Variants in ADARB2 observed in about 807,000 individuals in gnomAD.
The protein encoded by ADARB2 is inactive double-stranded RNA-specific editase B2.
In ADARB2, 25 loss-of-function variants were observed where a neutral mutation model predicts 62.2. That is an observed-to-expected ratio of 0.40 (90% CI 0.29 to 0.56). ADARB2 has a LOEUF of 0.56. Among genes scored for constraint, ADARB2 ranks in the 20% least tolerant of loss-of-function variants. The pLI is 0.43. For synonymous variants in ADARB2, 572 were observed against 500.8 expected, an observed-to-expected ratio of 1.14 and a Z score of -1.90; for missense variants, 1,071 against 1,077.4, an observed-to-expected ratio of 0.99 and a Z score of 0.08.
intron 1 of ADARB2, among the ~76,000 whole-genome samples, chr10:1,571,123 G>T (rs1038756374): frequency 6.6e-6 from 1 of 152,116 alleles, no homozygotes; most frequent in African/African-American, 2.4e-5. Flanking sequence ...AATGCACTCA[G>T]AATTAAGGTG....
chr10:1,484,961 G>A (rs567344839), intron 1 of ADARB2, among the ~76,000 whole-genome samples: 2 of 152,122 alleles, frequency 1.3e-5, no homozygotes, highest in South Asian at 2.1e-4. Flanking sequence ...TACAGATGTA[G>A]GTATGCATGT....
Position 1,725,220 on chromosome 10 carries a change from T to C in ADARB2, c.100+11831A>G, listed in dbSNP as rs571423415. Among the ~76,000 whole-genome samples the C allele has an allele frequency of 9.2e-5, 14 of 152,258 alleles. No homozygotes were observed. The East Asian group carries it at 2.7e-3, about 29-fold the overall frequency. On this transcript the variant is annotated intron_variant, in intron 1 of 9. Coordinates refer to ENST00000381312, the MANE Select transcript of ADARB2 (RefSeq NM_018702.4). Reference sequence around the variant, plus strand: ...AGATACATCCAATCTCATGAATTTTTAGTGAATATATTTTGCCTGGAATGT... The same window carrying C: ...AGATACATCCAATCTCATGAATTTTCAGTGAATATATTTTGCCTGGAATGT...
At chr10:1,694,983 G>A (rs1028599460) in intron 1 of ADARB2, among the ~76,000 whole-genome samples, 2 of 152,214 alleles carry the variant, frequency 1.3e-5, no homozygotes, top group African/African-American at 2.4e-5. Context: ...GGGAGACCTT[G>A]CGACTCGCCA....
intron 3 of ADARB2, among the ~76,000 whole-genome samples, chr10:1,347,591 C>G (rs892570511): frequency 2.6e-5 from 4 of 152,190 alleles, no homozygotes; most frequent in African/African-American, 9.6e-5. Context: ...GAAGAGCACA[C>G]AGATCAGGAG....
At chr10:1,622,451 T>C (rs1833715160) in intron 1 of ADARB2, among the ~76,000 whole-genome samples, 1 of 152,150 alleles carries the variant, frequency 6.6e-6, no homozygotes, top group Non-Finnish European at 1.5e-5. Flanking sequence ...TAAAGAACTT[T>C]TATCTAGAAT....
At chr10:1,630,829 TC>T (rs1375602410) in intron 1 of ADARB2, among the ~76,000 whole-genome samples, 1 of 151,668 alleles carries the variant, frequency 6.6e-6, no homozygotes, top group African/African-American at 2.4e-5. Context: ...GTGGTGGGCG[TC>T]TGTAGTCCCA....
At chr10:1,668,674 GTGCACTGTTC>G (rs1208812778) in intron 1 of ADARB2, among the ~76,000 whole-genome samples, 1 of 152,180 alleles carries the variant, frequency 6.6e-6, no homozygotes, top group Non-Finnish European at 1.5e-5. Flanking sequence ...GAGGCCCCGT[GTGCACTGTTC>G]TGCGGCACTT....
At chr10:1,344,879 GC>G (rs886767313) in intron 3 of ADARB2, among the ~76,000 whole-genome samples, 5 of 152,218 alleles carry the variant, frequency 3.3e-5, no homozygotes, top group African/African-American at 1.2e-4. Context: ...ACACCCGTGT[GC>G]CCGCTGTTTC....
At chr10:1,241,281 G>A (rs577688265) in intron 5 of ADARB2, among the ~76,000 whole-genome samples, 2 of 152,300 alleles carry the variant, frequency 1.3e-5, no homozygotes, top group South Asian at 2.1e-4. Context: ...TGAGCTGAGT[G>A]TGTTAAGGTG....
chr10:1,484,401 C>G (rs1831516993), intron 1 of ADARB2, among the ~76,000 whole-genome samples: 1 of 152,214 alleles, frequency 6.6e-6, no homozygotes, highest in Admixed American at 6.5e-5. Flanking sequence ...TGTGCCGCTG[C>G]CACCCCAGGC....
chr10:1,236,272 T>C lies in ADARB2; in HGVS notation c.1362-2427A>G, dbSNP rs1213738394. Among the ~76,000 whole-genome samples, 82 of 14,766 alleles carry C rather than the reference T, an allele frequency of 5.6e-3. 7 individuals carry two copies. Among genetic ancestry groups the C allele is most frequent in the Non-Finnish European group, 7.0e-3 (60 of 8,576 alleles). 9.7% of individuals were successfully genotyped at this position (14,766 alleles called of 152,430 possible). ...TTACTCCCCTCTCCCTCCCGGTGTT[T>C]ACTCCCCTCTGCCTCCCGGTGTTTA... On this transcript the variant is annotated intron_variant, in intron 5 of 9. Transcript: ENST00000381312.
At chr10:1,618,822 T>C (rs1833674484) in intron 1 of ADARB2, among the ~76,000 whole-genome samples, 1 of 152,188 alleles carries the variant, frequency 6.6e-6, no homozygotes, top group South Asian at 2.1e-4. Flanking sequence ...AACAAAAACA[T>C]TAAAGCCACT....
Position 1,704,158 on chromosome 10 carries a change from G to C in ADARB2, c.100+32893C>G, listed in dbSNP as rs1564199744. ...CCCAACCTTTCTGGCACCAGGGATGGCTGGTTTTGTGGAAGACAATTTTTC... is the reference window on the plus strand; with the variant it reads ...CCCAACCTTTCTGGCACCAGGGATGCCTGGTTTTGTGGAAGACAATTTTTC... On this transcript the variant is annotated intron_variant, in intron 1 of 9. Coordinates refer to ENST00000381312, the MANE Select transcript of ADARB2 (RefSeq NM_018702.4). This position sits in a 1 kb window ranked among gnomAD's most constrained non-coding sequence, Gnocchi z 5.6. 6.6e-6 allele frequency among the ~76,000 whole-genome samples: 1 copy of C among 152,218 alleles called. No homozygotes were observed. The highest frequency in any genetic ancestry group is 1.5e-5 in the Non-Finnish European group (1 of 68,038).
chr10:1,179,539 G>A lies in ADARB2; in HGVS notation c.*3654C>T, dbSNP rs1392032333. 1 of 152,228 alleles carries A rather than the reference G, an allele frequency of 6.6e-6. No homozygotes were observed. The highest frequency in any genetic ancestry group is 2.4e-5 in the African/African-American group (1 of 41,458). 9.4% of individuals were successfully genotyped at this position (152,228 alleles called of 1,614,324 possible). ...ACAGCGGAGGCTGCCTGGCCGCGCA[G>A]CCGTTCCCTGCGCCCCGTCCTGCAA... On this transcript the variant is annotated 3_prime_UTR_variant, in exon 10 of 10. Coordinates refer to ENST00000381312, the MANE Select transcript of ADARB2 (RefSeq NM_018702.4).
chr10:1,658,146 G>A (rs775253887), intron 1 of ADARB2, among the ~76,000 whole-genome samples: 2 of 147,868 alleles, frequency 1.4e-5, no homozygotes, highest in Non-Finnish European at 3.0e-5. Context: ...CTCTCTCTCT[G>A]TATCTTATTC....
chr10:1,209,680 C>T (rs1227504117), intron 7 of ADARB2, among the ~76,000 whole-genome samples: 1 of 149,206 alleles, frequency 6.7e-6, no homozygotes, highest in Non-Finnish European at 1.5e-5. Flanking sequence ...CTCACATCCA[C>T]ACCCACACCA....
At chr10:1,357,194 T>C (rs1474110722) in intron 3 of ADARB2, among the ~76,000 whole-genome samples, 1 of 152,188 alleles carries the variant, frequency 6.6e-6, no homozygotes, top group East Asian at 1.9e-4. Flanking sequence ...CTCCATTCGA[T>C]TTATTCACAA....
intron 1 of ADARB2, among the ~76,000 whole-genome samples, chr10:1,447,892 C>T (rs1380055370): frequency 6.6e-6 from 1 of 152,176 alleles, no homozygotes; most frequent in Non-Finnish European, 1.5e-5. Context: ...ACCCACGTTG[C>T]TGCAAAAGAC....
In ADARB2 at chr10:1,441,934, A is replaced by T. The variant is rs556769516; in HGVS notation, c.101-62774T>A. On this transcript the variant is annotated intron_variant, in intron 1 of 9. Transcript: ENST00000381312. ...ATATTACAAGTCAATTCCCAAGTAA[A>T]TGTGTGGATATTCAACACCCTGGTC... Among the ~76,000 whole-genome samples the T allele has an allele frequency of 2.0e-5, 3 of 152,188 alleles. No individual in the cohort carries two copies. The South Asian group carries it at 6.2e-4, about 31-fold the overall frequency.
Sources: allele counts gnomAD v4.1 joint callset (sites outside exome capture counted in the v4.1 genomes callset), GRCh38; gene constraint gnomAD v4.1.1; non-coding constraint Gnocchi (gnomAD v3.1); transcripts MANE v1.5; gene names NCBI Gene and HGNC (gene_info 2026-07-23, HGNC 2026-07-21).